The following GRID1 variants were observed in gnomAD, a reference collection of about 807,000 sequenced individuals.
GRID1 encodes glutamate receptor ionotropic, delta-1.
GRID1 carries 28 observed loss-of-function variants against 98.0 expected under a neutral mutation model. The observed-to-expected ratio is 0.29, with a 90% CI of 0.21 to 0.39. The LOEUF (loss-of-function observed/expected upper bound fraction) is 0.39, where lower values mean the gene tolerates loss of function less well. GRID1 is among the 10% of genes least tolerant of loss of function. GRID1 has a pLI of 1.00. For missense variants in GRID1, 1,111 were observed against 1,340.5 expected, an observed-to-expected ratio of 0.83 and a Z score of 2.67; for synonymous variants, 553 against 538.5, an observed-to-expected ratio of 1.03 and a Z score of -0.37.
chr10:85,792,955 C>T (rs1303653816), intron 8 of GRID1, among the ~76,000 whole-genome samples: 3 of 152,168 alleles, frequency 2.0e-5, no homozygotes, highest in Non-Finnish European at 4.4e-5. Context: ...AAGTCAGATG[C>T]CTACTCCGAT....
At chr10:85,859,415 G>A (rs1330255994) in intron 6 of GRID1, among the ~76,000 whole-genome samples, 3 of 151,726 alleles carry the variant, frequency 2.0e-5, no homozygotes, top group Non-Finnish European at 2.9e-5. Flanking sequence ...ATGGATGGAC[G>A]GATGGATGGA....
chr10:85,981,247 T>G (rs1842541065), intron 4 of GRID1, among the ~76,000 whole-genome samples: 1 of 152,218 alleles, frequency 6.6e-6, no homozygotes, highest in Non-Finnish European at 1.5e-5. Context: ...CCACACCTCT[T>G]CAGGCACAAG....
At chr10:85,687,950 T>C (rs1841288464) in intron 12 of GRID1, among the ~76,000 whole-genome samples, 2 of 152,096 alleles carry the variant, frequency 1.3e-5, no homozygotes, top group Non-Finnish European at 2.9e-5. Context: ...TGATTTCAAA[T>C]GAGGGAGTTG....
intron 8 of GRID1, among the ~76,000 whole-genome samples, chr10:85,794,522 A>G (rs1842508454): frequency 6.6e-6 from 1 of 151,884 alleles, no homozygotes; most frequent in African/African-American, 2.4e-5. Context: ...CACAGAGGAA[A>G]GCAATTCTCC....
intron 8 of GRID1, among the ~76,000 whole-genome samples, chr10:85,763,929 T>C (rs1842172761): frequency 6.6e-6 from 1 of 152,056 alleles, no homozygotes; most frequent in Non-Finnish European, 1.5e-5. Context: ...ATGAAAAAAA[T>C]CCAGCAAAGT....
At chr10:85,793,601 C>A (rs1842500592) in intron 8 of GRID1, among the ~76,000 whole-genome samples, 1 of 152,214 alleles carries the variant, frequency 6.6e-6, no homozygotes, top group Non-Finnish European at 1.5e-5. Context: ...GTCTGATGGT[C>A]TCTGCAGGGC....
intron 8 of GRID1, among the ~76,000 whole-genome samples, chr10:85,773,046 T>C (rs188959914): frequency 0.014 from 2,185 of 152,242 alleles, 75 homozygotes; most frequent in Admixed American, 0.072. Flanking sequence ...ACCAATATCC[T>C]TGATGAACAT....
At chr10:86,001,531 A>G (rs574225812) in intron 4 of GRID1, among the ~76,000 whole-genome samples, 33 of 152,298 alleles carry the variant, frequency 2.2e-4, no homozygotes, top group South Asian at 1.5e-3. Context: ...GACTCCTTAG[A>G]GTGCTGTTCT....
Position 86,001,860 on chromosome 10 carries a change from C to G in GRID1, c.727-85621G>C, listed in dbSNP as rs542256824. The stretch of plus-strand genomic sequence containing the variant: ...GTTCTGGAGGCTAGAAGTCTGAAGT[C>G]AAGGTGCCAGCAAGGCCGTGCTCCC... On this transcript the variant is annotated intron_variant, in intron 4 of 15. Coordinates refer to ENST00000327946, the MANE Select transcript of GRID1 (RefSeq NM_017551.3). Among the ~76,000 whole-genome samples the G allele has an allele frequency of 3.9e-5, 6 of 152,274 alleles. No individual in the cohort carries two copies. The South Asian group carries it at 1.0e-3, about 26-fold the overall frequency.
chr10:86,303,967 T>C (rs1312629322), intron 2 of GRID1, among the ~76,000 whole-genome samples: 2 of 152,248 alleles, frequency 1.3e-5, no homozygotes, highest in African/African-American at 4.8e-5. Flanking sequence ...TCTCAGGTCA[T>C]TGGTCATTAC....
chr10:85,865,912 C>CATATATATATATATATAT (rs375258556), intron 6 of GRID1, among the ~76,000 whole-genome samples: 14 of 83,096 alleles, frequency 1.7e-4, no homozygotes, highest in African/African-American at 3.9e-4. Context: ...TACATATATA[C>CATATATATATATATATAT]ATATATATAT....
intron 4 of GRID1, among the ~76,000 whole-genome samples, chr10:86,113,200 A>G (rs1310207936): frequency 6.6e-6 from 1 of 151,888 alleles, no homozygotes; most frequent in Non-Finnish European, 1.5e-5. Context: ...CCCTATACAA[A>G]CCCTCCAATG....
chr10:85,787,087 C>T (rs868422313), intron 8 of GRID1, among the ~76,000 whole-genome samples: 22 of 152,328 alleles, frequency 1.4e-4, no homozygotes, highest in Non-Finnish European at 2.5e-4. Context: ...CCATGGAAGA[C>T]GACTGTGACA....
At chr10:85,835,788 A>C (rs1842907238) in intron 8 of GRID1, among the ~76,000 whole-genome samples, 2 of 152,186 alleles carry the variant, frequency 1.3e-5, no homozygotes, top group African/African-American at 4.8e-5. Context: ...CTAAACAATA[A>C]AGAGACTTCA....
intron 4 of GRID1, among the ~76,000 whole-genome samples, chr10:85,983,695 G>A (rs1842574120): frequency 6.6e-6 from 1 of 152,084 alleles, no homozygotes; most frequent in African/African-American, 2.4e-5. Context: ...CAGGCCCTGT[G>A]GATGGTGAGT....
At chr10:86,303,688 A>G (rs1471760665) in intron 2 of GRID1, among the ~76,000 whole-genome samples, 4 of 152,252 alleles carry the variant, frequency 2.6e-5, no homozygotes, top group African/African-American at 9.6e-5. Context: ...GGTTGTGGAC[A>G]GGATTTCACT....
chr10:85,892,154 G>A (rs769317157), intron 5 of GRID1, among the ~76,000 whole-genome samples: 1 of 147,986 alleles, frequency 6.8e-6, no homozygotes, highest in Non-Finnish European at 1.5e-5. Context: ...AAGAAAAGTC[G>A]ATGAACTTGA....
At chr10:86,191,963 GGA>G (rs1242644453) in intron 3 of GRID1, among the ~76,000 whole-genome samples, 1 of 152,160 alleles carries the variant, frequency 6.6e-6, no homozygotes, top group Non-Finnish European at 1.5e-5. Flanking sequence ...GAAAGGCCAG[GGA>G]GAGACAGACC....
chr10:86,100,297 T>C (rs1487573542), intron 4 of GRID1, among the ~76,000 whole-genome samples: 2 of 152,194 alleles, frequency 1.3e-5, no homozygotes. Flanking sequence ...TGTGCAGGAC[T>C]GTATTTGAAA....
Sources: allele counts gnomAD v4.1 joint callset (sites outside exome capture counted in the v4.1 genomes callset), GRCh38; gene constraint gnomAD v4.1.1; transcripts MANE v1.5; gene names NCBI Gene and HGNC (gene_info 2026-07-23, HGNC 2026-07-21).